Variants in BCL2L1 observed in about 807,000 individuals in gnomAD.
BCL2L1 encodes BCL2 like 1.
A neutral mutation model predicts 18.7 loss-of-function variants in BCL2L1; 1 was observed. That is an observed-to-expected ratio of 0.05 (90% CI 0.02 to 0.25). BCL2L1 has a LOEUF of 0.25. BCL2L1 is among the 10% of genes least tolerant of loss of function. The pLI is 1.00. For synonymous variants in BCL2L1, 103 were observed against 122.7 expected (o/e 0.84, Z 1.06); for missense variants, 207 against 304.9 (o/e 0.68, Z 2.39).
At chr20:31,717,485 A>T (rs530835999) in intron 2 of BCL2L1, among the ~76,000 whole-genome samples, 1 of 152,248 alleles carries the variant, frequency 6.6e-6, no homozygotes, top group African/African-American at 2.4e-5. Flanking sequence ...AAACCCTGTG[A>T]TGGTAACAGA....
At chr20:31,697,403 T>C (rs1340010340) in intron 2 of BCL2L1, among the ~76,000 whole-genome samples, 5 of 151,886 alleles carry the variant, frequency 3.3e-5, no homozygotes, top group Non-Finnish European at 5.9e-5. Context: ...AGGCTTTGGA[T>C]GCTGGCAGTT....
intron 2 of BCL2L1, chr20:31,720,226 A>G: frequency 1.1e-6 from 1 of 914,762 alleles, no homozygotes; most frequent in Non-Finnish European, 1.3e-6. Context: ...AAAATGAGAG[A>G]GGGGGTGGGG....
At chr20:31,714,249 T>C (rs1408458986) in intron 2 of BCL2L1, among the ~76,000 whole-genome samples, 1 of 152,170 alleles carries the variant, frequency 6.6e-6, no homozygotes, top group Non-Finnish European at 1.5e-5. Context: ...CCCTCCATCT[T>C]GCATAAAGGG....
intron 2 of BCL2L1, among the ~76,000 whole-genome samples, chr20:31,715,226 C>G (rs932675267): frequency 4.0e-5 from 6 of 149,808 alleles, no homozygotes; most frequent in African/African-American, 1.5e-4. Flanking sequence ...GAGCAGAGAT[C>G]GTGCCACTGC....
chr20:31,713,251 C>G, intron 2 of BCL2L1: 1 of 984,398 alleles, frequency 1.0e-6, no homozygotes, highest in Non-Finnish European at 1.2e-6. Context: ...AATGGCCTGG[C>G]AGAACCAAGT....
chr20:31,721,573 G>A (rs2061631614), intron 2 of BCL2L1, 82 bp downstream of exon 2: 9 of 1,468,184 alleles, frequency 6.1e-6, no homozygotes, highest in Non-Finnish European at 6.4e-6. Flanking sequence ...CAACACAACA[G>A]AAAGAGATAC....
At position 31,717,089 on chromosome 20, in the gene BCL2L1, A is replaced by G. The variant is rs117033367; in HGVS notation, c.564+4566T>C. Among the ~76,000 whole-genome samples the G allele has an allele frequency of 1.4e-3, 214 of 152,322 alleles. 3 individuals carry two copies. The highest frequency in any genetic ancestry group is 8.3e-3 in the East Asian group (43 of 5,192). ...GTGGGGACAGGGCCTCTGCTTAATT[A>G]AGGCAGTAGGAGATTATACTTCCGT... On this transcript the variant is annotated intron_variant, in intron 2 of 2. Transcript: ENST00000307677.
chr20:31,667,483 C>CCGTGTGTGTGTG (rs1406178155), intron 2 of BCL2L1, among the ~76,000 whole-genome samples: 1 of 64,094 alleles, frequency 1.6e-5, no homozygotes, highest in African/African-American at 2.1e-4. Context: ...TACCATAGTA[C>CCGTGTGTGTGTG]CGTGTGTGTG....
intron 2 of BCL2L1, among the ~76,000 whole-genome samples, chr20:31,695,577 C>T (rs2061153627): frequency 6.6e-6 from 1 of 152,232 alleles, no homozygotes; most frequent in African/African-American, 2.4e-5. Flanking sequence ...AGCCATCTTC[C>T]TGCCTCAGTG....
chr20:31,709,556 G>A (rs867691928), intron 2 of BCL2L1, among the ~76,000 whole-genome samples: 4 of 151,934 alleles, frequency 2.6e-5, no homozygotes, highest in Non-Finnish European at 4.4e-5. Context: ...GAGACGAGCC[G>A]GGTGCGGTGG....
upstream of BCL2L1, chr20:31,723,760 G>A: frequency 1.0e-6 from 1 of 985,324 alleles, no homozygotes; most frequent in Non-Finnish European, 1.2e-6. Context: ...GCCGTGGGGG[G>A]CCACATCCCC....
intron 2 of BCL2L1, among the ~76,000 whole-genome samples, chr20:31,702,061 T>C (rs1236392398): frequency 6.6e-6 from 1 of 152,148 alleles, no homozygotes; most frequent in Non-Finnish European, 1.5e-5. Flanking sequence ...GGAGAGGGAT[T>C]TAGAAATAGC....
intron 2 of BCL2L1, among the ~76,000 whole-genome samples, chr20:31,669,596 C>G (rs927183054): frequency 6.6e-6 from 1 of 151,826 alleles, no homozygotes; most frequent in African/African-American, 2.4e-5. Context: ...CCTGCCACCA[C>G]GCCTAGCTAA....
At chr20:31,671,478 C>T (rs551512131) in intron 2 of BCL2L1, among the ~76,000 whole-genome samples, 25 of 152,236 alleles carry the variant, frequency 1.6e-4, no homozygotes, top group Admixed American at 1.3e-3. Flanking sequence ...CTCAGTTAAC[C>T]AACCCCTACT....
chr20:31,672,451 C>T (rs2060685587), intron 2 of BCL2L1, among the ~76,000 whole-genome samples: 1 of 147,302 alleles, frequency 6.8e-6, no homozygotes, highest in African/African-American at 2.5e-5. Flanking sequence ...GCAACAAGAG[C>T]AAAACCCTGT....
intron 2 of BCL2L1, among the ~76,000 whole-genome samples, chr20:31,694,608 T>C (rs908815494): frequency 6.6e-5 from 10 of 152,038 alleles, no homozygotes; most frequent in African/African-American, 2.2e-4. Flanking sequence ...CTTCCAACAA[T>C]AGTAATAAGG....
chr20:31,714,517 G>GATA (rs1269092889), intron 2 of BCL2L1, among the ~76,000 whole-genome samples: 1 of 152,172 alleles, frequency 6.6e-6, no homozygotes, highest in African/African-American at 2.4e-5. Context: ...TAAGAATAAT[G>GATA]ATACCAACAT....
intron 2 of BCL2L1, among the ~76,000 whole-genome samples, chr20:31,674,927 A>G (rs949459615): frequency 6.6e-6 from 1 of 151,388 alleles, no homozygotes; most frequent in African/African-American, 2.4e-5. Context: ...TATGTTTGGC[A>G]GCAAACCCCA....
At chr20:31,703,519 TCTCA>T (rs916815958) in intron 2 of BCL2L1, among the ~76,000 whole-genome samples, 2 of 144,786 alleles carry the variant, frequency 1.4e-5, no homozygotes, top group Non-Finnish European at 3.0e-5. Flanking sequence ...GAGACAAGAG[TCTCA>T]CTCTGTTGCC....
Sources: gnomAD v4.1 joint callset for allele counts (sites outside exome capture counted in the v4.1 genomes callset) on GRCh38, gnomAD v4.1.1 for gene constraint, MANE v1.5 for transcripts, NCBI Gene and HGNC (gene_info 2026-07-23, HGNC 2026-07-21) for gene names.